The following KSR2 variants were observed in gnomAD, a reference collection of about 807,000 sequenced individuals.
The protein encoded by KSR2 is kinase suppressor of ras 2.
Under a neutral mutation model 107.8 loss-of-function variants are expected in KSR2, and 25 were observed. The ratio of observed to expected loss-of-function variants is 0.23; its 90% CI spans 0.17 to 0.32. The LOEUF is 0.32. Among genes scored for constraint, KSR2 ranks in the 10% least tolerant of loss-of-function variants. The probability of loss-of-function intolerance (pLI) is 1.00; values close to 1 mark genes in which losing one functional copy is unlikely to be tolerated. For synonymous variants in KSR2, 480 were observed against 507.0 expected, an observed-to-expected ratio of 0.95 and a Z score of 0.71; for missense variants, 887 against 1,268.9, an observed-to-expected ratio of 0.70 and a Z score of 4.57.
intron 1 of KSR2, among the ~76,000 whole-genome samples, chr12:117,864,982 C>T: frequency 6.6e-6 from 1 of 152,094 alleles, no homozygotes; most frequent in Middle Eastern, 3.4e-3. Context: ...CCCTGACCAC[C>T]CCCGTCTGAC....
rs986841496 is a variant in KSR2, at chr12:117,901,517, G to C, written c.181-41086C>G. ...GAGGTTTCACCATATTGCCCAGGCT[G>C]GTCTCGAACTCCTGACTTCAGGCAA... On this transcript the variant is annotated intron_variant, in intron 1 of 19. Transcript: ENST00000339824. 4.1e-4 allele frequency among the ~76,000 whole-genome samples: 63 copies of C among 151,966 alleles called. 1 individual carries two copies.
intron 4 of KSR2, among the ~76,000 whole-genome samples, chr12:117,727,804 G>A (rs1023753263): frequency 6.6e-6 from 1 of 151,960 alleles, no homozygotes; most frequent in Admixed American, 6.6e-5. Context: ...AGCAACCCGA[G>A]GAAACAAATA....
chr12:117,479,194 T>C (rs574783864), intron 16 of KSR2, among the ~76,000 whole-genome samples: 71 of 152,302 alleles, frequency 4.7e-4, no homozygotes, highest in Middle Eastern at 6.8e-3. Context: ...ACTCGACTTT[T>C]TGTAGAACCC....
chr12:117,831,586 C>T (rs11068692), intron 3 of KSR2, among the ~76,000 whole-genome samples: 12,630 of 152,222 alleles, frequency 0.083, 1,614 homozygotes, highest in African/African-American at 0.27. Flanking sequence ...AGCGAAGACA[C>T]CTACTAGTAA....
chr12:117,518,013 T>C (rs936371064), intron 14 of KSR2, among the ~76,000 whole-genome samples: 1 of 152,182 alleles, frequency 6.6e-6, no homozygotes, highest in Non-Finnish European at 1.5e-5. Context: ...CAGGAACTGA[T>C]TTGGAGTTGG....
At chr12:117,509,768 C>A (rs1199966655) in intron 14 of KSR2, among the ~76,000 whole-genome samples, 2 of 152,206 alleles carry the variant, frequency 1.3e-5, no homozygotes, top group African/African-American at 2.4e-5. Context: ...CTTGTGACCC[C>A]CTTCTTTGCC....
intron 19 of KSR2, among the ~76,000 whole-genome samples, chr12:117,469,256 C>T: frequency 6.6e-6 from 1 of 152,160 alleles, no homozygotes. Context: ...TGAGATCTGC[C>T]ATGACAGGGG....
At chr12:117,932,793 A>C (rs747017050) in intron 1 of KSR2, among the ~76,000 whole-genome samples, 40 of 152,186 alleles carry the variant, frequency 2.6e-4, no homozygotes, top group Admixed American at 4.6e-4. Context: ...CGGGCAGATC[A>C]CCTGAGGTCA....
At chr12:117,749,365 G>A (rs1306530295) in intron 4 of KSR2, among the ~76,000 whole-genome samples, 2 of 151,758 alleles carry the variant, frequency 1.3e-5, no homozygotes, top group Non-Finnish European at 2.9e-5. Flanking sequence ...TAGCCAAGGT[G>A]GGATTCACCT....
chr12:117,704,796 T>C (rs767962670), intron 4 of KSR2, among the ~76,000 whole-genome samples: 4 of 151,320 alleles, frequency 2.6e-5, no homozygotes, highest in Admixed American at 6.6e-5. Flanking sequence ...GAGGTGGAGG[T>C]TGTAGTGAGC....
At chr12:117,516,957 T>A (rs1874414424) in intron 14 of KSR2, among the ~76,000 whole-genome samples, 1 of 152,172 alleles carries the variant, frequency 6.6e-6, no homozygotes, top group South Asian at 2.1e-4. Context: ...GCCAACAGAC[T>A]CAGCACCAGC....
chr12:117,485,052 T>C (rs1872386118), intron 15 of KSR2, among the ~76,000 whole-genome samples: 1 of 152,170 alleles, frequency 6.6e-6, no homozygotes, highest in Non-Finnish European at 1.5e-5. Flanking sequence ...GTGGTTTCTT[T>C]TTTATTGCCT....
Position 117,455,082 on chromosome 12 carries a change from GC to G in KSR2, c.*12116del, listed in dbSNP as rs1870545613. On this transcript the variant is annotated 3_prime_UTR_variant, in exon 20 of 20. Coordinates refer to ENST00000339824, the MANE Select transcript of KSR2 (RefSeq NM_173598.6). ...AGAGAGAGAGAGAGAGGTCTGTAGA[GC>G]CAGAGAGGGATGCAGAGCAGGCCTG... The G allele has an allele frequency of 6.7e-6, 1 of 148,348 alleles. No homozygotes were observed. Among genetic ancestry groups the G allele is most frequent in the Non-Finnish European group, 1.5e-5 (1 of 67,130 alleles). 9.2% of individuals were successfully genotyped at this position (148,348 alleles called of 1,614,324 possible).
intron 5 of KSR2, among the ~76,000 whole-genome samples, chr12:117,598,863 C>T (rs1880788994): frequency 6.6e-6 from 1 of 151,736 alleles, no homozygotes; most frequent in Non-Finnish European, 1.5e-5. Context: ...CTGTATGTGA[C>T]CTAGCAGCCT....
chr12:117,516,398 T>C (rs1108565), intron 14 of KSR2, among the ~76,000 whole-genome samples: 64,540 of 151,928 alleles, frequency 0.42, 13,860 homozygotes, highest in South Asian at 0.56. Context: ...CAAACTGCAG[T>C]CACTGACTCC....
chr12:117,808,862 C>T (rs930767248), intron 3 of KSR2, among the ~76,000 whole-genome samples: 1 of 152,162 alleles, frequency 6.6e-6, no homozygotes, highest in East Asian at 1.9e-4. Context: ...CAATGGAATA[C>T]GGATGCAGCA....
At chr12:117,709,418 G>T (rs1249545889) in intron 4 of KSR2, among the ~76,000 whole-genome samples, 1 of 152,044 alleles carries the variant, frequency 6.6e-6, no homozygotes, top group Non-Finnish European at 1.5e-5. Flanking sequence ...ACTACTCCCG[G>T]GCTCAAGTGA....
intron 4 of KSR2, among the ~76,000 whole-genome samples, chr12:117,707,662 G>C (rs1032955371): frequency 3.3e-4 from 51 of 152,350 alleles, no homozygotes; most frequent in African/African-American, 1.2e-3. Flanking sequence ...AGCATTGTGA[G>C]CCAGGCGCAC....
At chr12:117,921,192 C>G (rs1189891597) in intron 1 of KSR2, among the ~76,000 whole-genome samples, 2 of 152,186 alleles carry the variant, frequency 1.3e-5, no homozygotes, top group African/African-American at 4.8e-5. Flanking sequence ...ATTAAAATAA[C>G]TGCATGAGCC....
Sources: gnomAD v4.1 joint callset for allele counts (sites outside exome capture counted in the v4.1 genomes callset) on GRCh38, gnomAD v4.1.1 for gene constraint, MANE v1.5 for transcripts, NCBI Gene and HGNC (gene_info 2026-07-23, HGNC 2026-07-21) for gene names.